GPC5: variants seen among roughly 807,000 people sequenced by gnomAD.
GPC5 encodes the protein glypican 5.
A neutral mutation model predicts 53.9 loss-of-function variants in GPC5; 47 were observed. That is an observed-to-expected ratio of 0.87 (90% CI 0.69 to 1.11). GPC5 has a LOEUF of 1.11. GPC5 is among the 50% of genes most tolerant of loss of function. The pLI, the probability that GPC5 is intolerant of heterozygous loss-of-function variation, is 0.00. For missense variants in GPC5, 748 were observed against 713.1 expected, an observed-to-expected ratio of 1.05 and a Z score of -0.56; for synonymous variants, 286 against 263.3, an observed-to-expected ratio of 1.09 and a Z score of -0.84.
chr13:92,102,804 TA>T (rs1203480766), intron 6 of GPC5, among the ~76,000 whole-genome samples: 1 of 152,202 alleles, frequency 6.6e-6, no homozygotes, highest in Non-Finnish European at 1.5e-5. Flanking sequence ...CTCTTTCTTG[TA>T]AAGGATAAAG....
intron 6 of GPC5, among the ~76,000 whole-genome samples, chr13:92,130,564 T>G (rs1194806548): frequency 6.6e-6 from 1 of 152,194 alleles, no homozygotes; most frequent in East Asian, 1.9e-4. Context: ...AAAGAACACT[T>G]AATTTTTTGT....
intron 6 of GPC5, among the ~76,000 whole-genome samples, chr13:92,125,231 C>A (rs535384610): frequency 2.6e-5 from 4 of 152,190 alleles, no homozygotes; most frequent in South Asian, 4.2e-4. Flanking sequence ...CCCTGTCTAG[C>A]CTTAAGATGA....
intron 5 of GPC5, among the ~76,000 whole-genome samples, chr13:91,794,816 A>G (rs1343736321): frequency 6.6e-6 from 1 of 152,168 alleles, no homozygotes; most frequent in Non-Finnish European, 1.5e-5. Context: ...TGTGATTATT[A>G]GTTTATAGGT....
intron 7 of GPC5, among the ~76,000 whole-genome samples, chr13:92,463,399 C>T (rs974060070): frequency 1.3e-5 from 2 of 152,168 alleles, no homozygotes; most frequent in South Asian, 2.1e-4. Flanking sequence ...TAACCTTTTT[C>T]AGTCTCATTT....
intron 7 of GPC5, among the ~76,000 whole-genome samples, chr13:92,737,443 C>A (rs1888966432): frequency 6.6e-6 from 1 of 151,974 alleles, no homozygotes. Flanking sequence ...TTCATTTGAT[C>A]CCTTCATGTA....
intron 6 of GPC5, among the ~76,000 whole-genome samples, chr13:92,028,698 T>C (rs115716778): frequency 0.015 from 2,282 of 152,318 alleles, 54 homozygotes; most frequent in African/African-American, 0.051. Flanking sequence ...TCACTTAAAA[T>C]ATAATCTTGT....
At chr13:91,942,517 T>G (rs1258756784) in intron 6 of GPC5, among the ~76,000 whole-genome samples, 1 of 152,084 alleles carries the variant, frequency 6.6e-6, no homozygotes, top group African/African-American at 2.4e-5. Context: ...AGCTATTACT[T>G]TCATACTTGG....
At chr13:91,549,349 T>G (rs2030490133) in intron 2 of GPC5, among the ~76,000 whole-genome samples, 1 of 151,544 alleles carries the variant, frequency 6.6e-6, no homozygotes, top group South Asian at 2.1e-4. Flanking sequence ...TGGTTATGAC[T>G]TTTTAGATGG....
intron 7 of GPC5, among the ~76,000 whole-genome samples, chr13:92,691,161 C>T (rs1887372507): frequency 9.9e-6 from 1 of 101,324 alleles, no homozygotes; most frequent in African/African-American, 4.1e-5. Flanking sequence ...TGCCCCTCCC[C>T]CAGCCTCGTT....
At chr13:92,647,324 A>G (rs565380530) in intron 7 of GPC5, among the ~76,000 whole-genome samples, 2 of 152,228 alleles carry the variant, frequency 1.3e-5, no homozygotes, top group Non-Finnish European at 2.9e-5. Context: ...CAAATGTTGA[A>G]TTTTATCAAG....
chr13:92,298,508 C>T (rs897615594), intron 7 of GPC5, among the ~76,000 whole-genome samples: 5 of 152,330 alleles, frequency 3.3e-5, no homozygotes, highest in South Asian at 4.1e-4. Context: ...CCCGCTGCTT[C>T]CTCTACCCCT....
At chr13:92,682,728 C>T (rs764694116) in intron 7 of GPC5, among the ~76,000 whole-genome samples, 4 of 152,104 alleles carry the variant, frequency 2.6e-5, no homozygotes, top group South Asian at 2.1e-4. Flanking sequence ...TTATCGGACA[C>T]GGGTTGTATA....
chr13:92,663,930 G>A (rs1317248784), intron 7 of GPC5, among the ~76,000 whole-genome samples: 1 of 131,650 alleles, frequency 7.6e-6, no homozygotes, highest in South Asian at 2.4e-4. Flanking sequence ...AAATTAGCTC[G>A]GCATGGTGCT....
Position 91,728,619 on chromosome 13 carries a change from A to G in GPC5, c.1108A>G (p.Lys370Glu). Residue 370 changes from lysine to glutamate, a missense_variant, in exon 4 of 8, where the codon AAG becomes GAG. Physicochemically the swap from Lys to Glu is moderately conservative, Grantham distance 56 (BLOSUM62 1). Coordinates refer to ENST00000377067, the MANE Select transcript of GPC5 (RefSeq NM_004466.6). ...FDQSKEKHGM[K>E]TTTRNSEETL... ...TCAGAGCAAAGAGAAGCATGGAATGAAGACCACCACAAGGAACAGTGAAGA... is the reference window on the plus strand; with the variant it reads ...TCAGAGCAAAGAGAAGCATGGAATGGAGACCACCACAAGGAACAGTGAAGA... 6.2e-7 allele frequency: 1 copy of G among 1,613,506 alleles called. No homozygotes were observed. The highest frequency in any genetic ancestry group is 2.2e-5 in the East Asian group (1 of 44,852).
intron 6 of GPC5, among the ~76,000 whole-genome samples, chr13:92,079,745 C>A (rs1286247228): frequency 6.6e-6 from 1 of 152,170 alleles, no homozygotes; most frequent in Non-Finnish European, 1.5e-5. Context: ...TTAATCAGTT[C>A]TTGCCATTCA....
intron 7 of GPC5, among the ~76,000 whole-genome samples, chr13:92,282,816 A>G (rs2042926203): frequency 6.6e-6 from 1 of 152,246 alleles, no homozygotes; most frequent in Non-Finnish European, 1.5e-5. Context: ...CATCGATGCT[A>G]GGAAAAAACT....
intron 7 of GPC5, among the ~76,000 whole-genome samples, chr13:92,364,727 G>A (rs150057275): frequency 7.9e-5 from 12 of 151,744 alleles, no homozygotes; most frequent in African/African-American, 2.4e-4. Context: ...GAGAGACTCC[G>A]TCTCAAACAA....
At chr13:92,034,744 ATTCATATAATGTTATAC>A (rs2040879684) in intron 6 of GPC5, among the ~76,000 whole-genome samples, 2 of 152,100 alleles carry the variant, frequency 1.3e-5, no homozygotes, top group Admixed American at 6.5e-5. Flanking sequence ...TAAAGAAAAA[ATTCATATAATGTTATAC>A]TTTCAGTGGA....
chr13:92,637,279 A>G (rs1230210420), intron 7 of GPC5, among the ~76,000 whole-genome samples: 1 of 152,202 alleles, frequency 6.6e-6, no homozygotes, highest in Admixed American at 6.5e-5. Flanking sequence ...AGTCAGCAAG[A>G]CTTCACAAAG....
Sources: allele counts gnomAD v4.1 joint callset (sites outside exome capture counted in the v4.1 genomes callset), GRCh38; gene constraint gnomAD v4.1.1; transcripts MANE v1.5; gene names NCBI Gene and HGNC (gene_info 2026-07-23, HGNC 2026-07-21).